The following RNF149 variants were observed in gnomAD, a reference collection of about 807,000 sequenced individuals.
The protein encoded by RNF149 is ring finger protein 149.
RNF149 carries 21 observed loss-of-function variants against 39.0 expected under a neutral mutation model. That is an observed-to-expected ratio of 0.54 (90% confidence interval 0.38 to 0.77). RNF149 has a LOEUF of 0.77. Among genes scored for constraint, RNF149 ranks in the 30% least tolerant of loss-of-function variants. The probability of loss-of-function intolerance (pLI) is 0.00; values close to 1 mark genes in which losing one functional copy is unlikely to be tolerated. For missense variants in RNF149, 493 were observed against 534.9 expected (o/e 0.92, Z 0.77); for synonymous variants, 209 against 213.6 (o/e 0.98, Z 0.19).
chr2:101,302,791 C>A (rs1443863186), intron 1 of RNF149, among the ~76,000 whole-genome samples: 1 of 152,054 alleles, frequency 6.6e-6, no homozygotes, highest in Non-Finnish European at 1.5e-5. Flanking sequence ...AGCAGCCGGG[C>A]AACACACGGA....
At chr2:101,282,442 T>A (rs1219281650) in intron 5 of RNF149, among the ~76,000 whole-genome samples, 1 of 152,042 alleles carries the variant, frequency 6.6e-6, no homozygotes, top group Non-Finnish European at 1.5e-5. Flanking sequence ...GTTTCAGAAA[T>A]AAACAAGGCT....
intron 5 of RNF149, among the ~76,000 whole-genome samples, chr2:101,284,367 G>C (rs529426163): frequency 3.2e-4 from 49 of 151,798 alleles, no homozygotes; most frequent in Admixed American, 1.0e-3. Context: ...ATCACTTGAG[G>C]CCAGGATTTT....
At chr2:101,301,746 AAATAAT>A (rs370179612) in intron 1 of RNF149, among the ~76,000 whole-genome samples, 1 of 152,156 alleles carries the variant, frequency 6.6e-6, no homozygotes. Flanking sequence ...CACCTTGTCA[AAATAAT>A]AATAAAAGGA....
At chr2:101,308,032 G>A in intron 1 of RNF149, 97 bp downstream of exon 1, 1 of 1,496,246 alleles carries the variant, frequency 6.7e-7, no homozygotes, top group Non-Finnish European at 8.9e-7. Flanking sequence ...GCCGTGCCAG[G>A]CCCGCTTCGC....
intron 1 of RNF149, among the ~76,000 whole-genome samples, chr2:101,301,689 TTTTG>T (rs141758249): frequency 0.15 from 22,903 of 152,082 alleles, 2,053 homozygotes; most frequent in African/African-American, 0.23. Context: ...ACTTCTGTTT[TTTTG>T]TTTGTTTTGT....
chr2:101,304,497 A>G (rs1014277698), intron 1 of RNF149, among the ~76,000 whole-genome samples: 4 of 152,188 alleles, frequency 2.6e-5, no homozygotes, highest in Admixed American at 6.5e-5. Flanking sequence ...TATTGTCTGG[A>G]AAGTTCTGTG....
chr2:101,305,643 T>A (rs1464921124), intron 1 of RNF149, among the ~76,000 whole-genome samples: 1 of 151,958 alleles, frequency 6.6e-6, no homozygotes, highest in Non-Finnish European at 1.5e-5. Context: ...AGCTAAGATA[T>A]CCTAAATGCA....
chr2:101,281,681 T>C, intron 6 of RNF149, 178 bp downstream of exon 6: 1 of 653,146 alleles, frequency 1.5e-6, no homozygotes, highest in South Asian at 1.9e-5. Context: ...GTGAAGTTTT[T>C]GTAGAGATGG....
At chr2:101,297,348 G>T (rs929652718) in intron 1 of RNF149, among the ~76,000 whole-genome samples, 2 of 152,066 alleles carry the variant, frequency 1.3e-5, no homozygotes, top group South Asian at 2.1e-4. Context: ...AATAAAAACG[G>T]TTTTTTGTTT....
chr2:101,306,520 C>T (rs1683665224), intron 1 of RNF149, among the ~76,000 whole-genome samples: 2 of 152,174 alleles, frequency 1.3e-5, no homozygotes, highest in Admixed American at 6.5e-5. Flanking sequence ...CATTCCCATG[C>T]CCTCCTTTCT....
intron 5 of RNF149, among the ~76,000 whole-genome samples, 175 bp from the exon 6 acceptor site, chr2:101,282,232 C>T (rs1263785908): frequency 2.0e-5 from 3 of 151,438 alleles, no homozygotes; most frequent in Non-Finnish European, 4.4e-5. Context: ...AATTCCTTCT[C>T]GACAACCAAT....
chr2:101,276,022 GA>G lies in RNF149; in HGVS notation c.*1215del, dbSNP rs970807959. On this transcript the variant is annotated 3_prime_UTR_variant, in exon 7 of 7. Transcript: ENST00000295317. ...AGAATTAAAGCATTAAGTAGCTTGA[GA>G]AAATAATCTATATAAATCTTTATAT... The G allele has an allele frequency of 1.4e-4, 128 of 889,810 alleles. 1 individual carries two copies. In the African/African-American group the frequency reaches 2.1e-3, roughly 15 times the overall value. 55.1% of individuals were successfully genotyped at this position (889,810 alleles called of 1,614,324 possible).
Position 101,275,782 on chromosome 2 carries a change from G to A in RNF149, c.*1456C>T, listed in dbSNP as rs997742947. ...AAGACAAAGAGCAAACAATCTACTT[G>A]CTACAGAATCAGGATGTATTTTCCT... On this transcript the variant is annotated 3_prime_UTR_variant, in exon 7 of 7. Transcript: ENST00000295317. The A allele has an allele frequency of 2.0e-6, 2 of 980,778 alleles. No homozygotes were observed. The highest frequency in any genetic ancestry group is 3.5e-5 in the African/African-American group (2 of 57,130). The allele number at this position is 980,778 out of a possible 1,614,324, so 60.8% of individuals were successfully genotyped here.
At chr2:101,287,900 T>C (rs1406167520) in intron 4 of RNF149, among the ~76,000 whole-genome samples, 1 of 152,210 alleles carries the variant, frequency 6.6e-6, no homozygotes, top group Non-Finnish European at 1.5e-5. Context: ...AGGTGTGAAG[T>C]ATAATTAAAA....
chr2:101,275,757 A>C lies in RNF149; in HGVS notation c.*1481T>G. The C allele has an allele frequency of 1.0e-6, 1 of 979,100 alleles. No individual in the cohort carries two copies. Among genetic ancestry groups the C allele is most frequent in the Non-Finnish European group, 1.2e-6 (1 of 824,270 alleles). 60.7% of individuals were successfully genotyped at this position (979,100 alleles called of 1,614,324 possible). ...CGCCCGGCCCTCCTAGTATTTCTTA[A>C]AGACAAAGAGCAAACAATCTACTTG... is the stretch of plus-strand genomic sequence containing the variant. On this transcript the variant is annotated 3_prime_UTR_variant, in exon 7 of 7. Transcript: ENST00000295317.
Position 101,308,577 on chromosome 2 carries a change from C to A in RNF149, c.12G>T (p.Arg4=). 1 of 1,557,454 alleles carries A rather than the reference C, an allele frequency of 6.4e-7. No homozygotes were observed. The highest frequency in any genetic ancestry group is 8.6e-7 in the Non-Finnish European group (1 of 1,157,572). MAW[R]RREASVGARG... is the part of the protein sequence containing the mutation. ...GAGCCCCGACGCTGGCTTCGCGCCG[C>A]CGCCACGCCATGGCAGCACCGCTGA... The change falls in exon 1 of 7, where the codon CGG becomes CGT. Residue 4 remains arginine (R), a synonymous_variant. Coordinates refer to ENST00000295317, the MANE Select transcript of RNF149 (RefSeq NM_173647.4).
chr2:101,282,291 G>A (rs1682624216), intron 5 of RNF149, among the ~76,000 whole-genome samples: 1 of 151,776 alleles, frequency 6.6e-6, no homozygotes, highest in South Asian at 2.1e-4. Flanking sequence ...TCCCCTCCTT[G>A]ATACAAGCAA....
At chr2:101,306,553 T>G (rs922886321) in intron 1 of RNF149, among the ~76,000 whole-genome samples, 2 of 152,204 alleles carry the variant, frequency 1.3e-5, no homozygotes, top group African/African-American at 2.4e-5. Context: ...GAACTGTCCT[T>G]GGACCGCCTG....
At position 101,308,499 on chromosome 2, in the gene RNF149, G is replaced by A; in HGVS notation, c.90C>T (p.Ala30=). 1 of 1,610,472 alleles carries A rather than the reference G, an allele frequency of 6.2e-7. No individual in the cohort carries two copies. Among genetic ancestry groups the A allele is most frequent in the Non-Finnish European group, 8.5e-7 (1 of 1,179,116 alleles). ...AGAACCACTCGAGAGCCCGGCCCCG[G>A]GCCCCGGGCACGCACAGGGCCAGGG... ...LLALALCVPG[A]RGRALEWFSA... is the part of the protein sequence containing the mutation. The change falls in exon 1 of 7, where the codon GCC becomes GCT. Residue 30 remains alanine, a synonymous_variant. Transcript: ENST00000295317.
Sources: gnomAD v4.1 joint callset for allele counts (sites outside exome capture counted in the v4.1 genomes callset) on GRCh38, gnomAD v4.1.1 for gene constraint, MANE v1.5 for transcripts, NCBI Gene and HGNC (gene_info 2026-07-23, HGNC 2026-07-21) for gene names.